Variants in NDRG3 observed in about 807,000 individuals in gnomAD.
NDRG3 encodes protein NDRG3.
Under a neutral mutation model 57.2 loss-of-function variants are expected in NDRG3, and 23 were observed. That is an observed-to-expected ratio of 0.40 (90% CI 0.29 to 0.57). The LOEUF is 0.57. NDRG3 is among the 20% of genes least tolerant of loss of function. NDRG3 has a pLI of 0.42. For synonymous variants in NDRG3, 132 were observed against 162.6 expected (o/e 0.81, Z 1.43); for missense variants, 384 against 457.3 (o/e 0.84, Z 1.46).
chr20:36,709,893 A>C (rs928863261), intron 2 of NDRG3, among the ~76,000 whole-genome samples: 1 of 152,190 alleles, frequency 6.6e-6, no homozygotes, highest in Admixed American at 6.6e-5. Flanking sequence ...AATTCTGTTA[A>C]AATTTTGGGT....
chr20:36,658,311 T>A (rs1287108893), intron 13 of NDRG3, among the ~76,000 whole-genome samples: 1 of 152,100 alleles, frequency 6.6e-6, no homozygotes, highest in Admixed American at 6.6e-5. Flanking sequence ...TTTGTATTTT[T>A]AGTAGAGATG....
intron 2 of NDRG3, among the ~76,000 whole-genome samples, chr20:36,720,000 C>G (rs946281863): frequency 2.7e-5 from 4 of 150,498 alleles, no homozygotes; most frequent in Non-Finnish European, 5.9e-5. Context: ...CCAGCCACTC[C>G]GGAGGCTGAG....
chr20:36,673,736 A>C (rs759936656), intron 8 of NDRG3, among the ~76,000 whole-genome samples: 3 of 152,188 alleles, frequency 2.0e-5, no homozygotes, highest in Non-Finnish European at 4.4e-5. Flanking sequence ...TAGCAGTGTA[A>C]TTTTAAGTAA....
At position 36,687,534 on chromosome 20, in the gene NDRG3, T is replaced by A; in HGVS notation, c.278A>T (p.Asp93Val). The change falls in exon 5 of 16, where the codon GAT becomes GTT. Residue 93 changes from aspartate (D) to valine (V), a missense_variant. Asp to Val is a radical substitution (Grantham distance 152). Transcript: ENST00000349004. Reference protein sequence around the residue: ...ITQHFAVCHVDAPGQQEGAPS... With the variant: ...ITQHFAVCHVVAPGQQEGAPS... ...TGCACCTTCCTGCTGGCCTGGGGCA[T>A]CCACATGACAGACAGCAAAGTGCTG... 2 of 1,614,092 alleles carry A rather than the reference T, an allele frequency of 1.2e-6. No homozygotes were observed. Among genetic ancestry groups the A allele is most frequent in the Non-Finnish European group, 1.7e-6 (2 of 1,180,014 alleles).
chr20:36,733,146 CAAAAAAAAAAAAAAAAA>C (rs141850127), intron 1 of NDRG3, among the ~76,000 whole-genome samples: 1 of 38,972 alleles, frequency 2.6e-5, no homozygotes, highest in African/African-American at 9.2e-5. Context: ...GATCCTGTCT[CAAAAAAAAAAAAAAAAA>C]AAAAAAAAAT....
chr20:36,682,230 A>G (rs1307928843), intron 7 of NDRG3, among the ~76,000 whole-genome samples: 1 of 152,184 alleles, frequency 6.6e-6, no homozygotes, highest in Non-Finnish European at 1.5e-5. Context: ...CAAACCATGT[A>G]TCATTATAAA....
At chr20:36,700,354 T>C (rs1983137749) in intron 3 of NDRG3, 1 of 422,772 alleles carries the variant, frequency 2.4e-6, no homozygotes, top group Admixed American at 2.8e-5. Context: ...GTTGTCAATG[T>C]CTCAAAGTTC....
chr20:36,677,493 A>C (rs1052691771), intron 8 of NDRG3, among the ~76,000 whole-genome samples: 1 of 152,182 alleles, frequency 6.6e-6, no homozygotes, highest in Non-Finnish European at 1.5e-5. Context: ...CAGCCAGCGC[A>C]GGGTAGAGGA....
chr20:36,719,425 C>CA (rs542067369), intron 2 of NDRG3, among the ~76,000 whole-genome samples: 1,343 of 70,692 alleles, frequency 0.019, 16 homozygotes, highest in African/African-American at 0.039. Context: ...GACTCCGTTT[C>CA]AAAAAAAAAA....
intron 2 of NDRG3, among the ~76,000 whole-genome samples, chr20:36,709,910 A>T (rs1053720133): frequency 3.3e-5 from 5 of 152,226 alleles, no homozygotes; most frequent in Non-Finnish European, 7.3e-5. Context: ...GGGTTAAAAA[A>T]AAAAACTTCT....
intron 3 of NDRG3, among the ~76,000 whole-genome samples, chr20:36,693,131 T>C (rs867859076): frequency 5.8e-5 from 4 of 69,366 alleles, no homozygotes; most frequent in South Asian, 5.2e-4. Context: ...TATATATATA[T>C]ATATATATAT....
intron 3 of NDRG3, among the ~76,000 whole-genome samples, chr20:36,697,266 G>C (rs1464622218): frequency 2.6e-5 from 4 of 152,138 alleles, no homozygotes; most frequent in African/African-American, 4.8e-5. Context: ...GGGCAGTCCT[G>C]ATCATAAACC....
chr20:36,652,787 G>T lies in NDRG3; in HGVS notation c.*733C>A, dbSNP rs968501397. ...ATTCACTCCTTGGAAAAAACTCTAT[G>T]TTGTATCAGAACCTCAGCGATGGTT... On this transcript the variant is annotated 3_prime_UTR_variant, in exon 16 of 16. Transcript: ENST00000349004. 1 of 152,204 alleles carries T rather than the reference G, an allele frequency of 6.6e-6. No individual in the cohort carries two copies. Among genetic ancestry groups the T allele is most frequent in the African/African-American group, 2.4e-5 (1 of 41,446 alleles). 9.4% of individuals were successfully genotyped at this position (152,204 alleles called of 1,614,324 possible). A position where few individuals can be genotyped will look rare whatever the true frequency, so the allele number is the denominator to read the frequency against.
chr20:36,741,519 G>A (rs1025750888), intron 1 of NDRG3, among the ~76,000 whole-genome samples: 4 of 152,066 alleles, frequency 2.6e-5, no homozygotes, highest in Admixed American at 6.6e-5. Flanking sequence ...AAAGCATTAT[G>A]TGCACAATGC....
chr20:36,700,045 C>T (rs192185139), intron 3 of NDRG3, among the ~76,000 whole-genome samples: 2 of 142,598 alleles, frequency 1.4e-5, no homozygotes, highest in East Asian at 4.2e-4. Context: ...ACCCAGGAGG[C>T]GGAGGTTTCA....
intron 3 of NDRG3, among the ~76,000 whole-genome samples, chr20:36,697,827 G>T (rs1338388604): frequency 6.6e-6 from 1 of 151,844 alleles, no homozygotes; most frequent in Non-Finnish European, 1.5e-5. Flanking sequence ...TTTTGTAATA[G>T]ATTTGTGTAT....
chr20:36,695,520 G>A (rs899776406), intron 3 of NDRG3, among the ~76,000 whole-genome samples: 2 of 152,184 alleles, frequency 1.3e-5, no homozygotes, highest in South Asian at 4.1e-4. Flanking sequence ...CATTCCTGGG[G>A]GGACGGAGGG....
chr20:36,717,088 T>A (rs533649877), intron 2 of NDRG3, among the ~76,000 whole-genome samples: 1 of 152,242 alleles, frequency 6.6e-6, no homozygotes, highest in African/African-American at 2.4e-5. Context: ...CATATGCCCA[T>A]GCAATTTCTG....
intron 2 of NDRG3, among the ~76,000 whole-genome samples, chr20:36,713,237 T>A (rs1408593645): frequency 2.0e-5 from 3 of 152,174 alleles, no homozygotes; most frequent in Admixed American, 6.5e-5. Flanking sequence ...AGGAAAGCCA[T>A]TAATTATTAC....
Sources: gnomAD v4.1 joint callset for allele counts (sites outside exome capture counted in the v4.1 genomes callset) on GRCh38, gnomAD v4.1.1 for gene constraint, MANE v1.5 for transcripts, NCBI Gene and HGNC (gene_info 2026-07-23, HGNC 2026-07-21) for gene names.